FHIT: variants seen among roughly 807,000 people sequenced by gnomAD.
FHIT encodes fragile histidine triad diadenosine triphosphatase, also known as bis(5'-adenosyl)-triphosphatase.
Under a neutral mutation model 17.9 loss-of-function variants are expected in FHIT, and 19 were observed. The ratio of observed to expected loss-of-function variants is 1.06; its 90% confidence interval spans 0.74 to 1.56. The LOEUF (loss-of-function observed/expected upper bound fraction) is 1.56, where lower values mean the gene tolerates loss of function less well. Among genes scored for constraint, FHIT ranks in the 40% most tolerant of loss-of-function variants. The probability of loss-of-function intolerance (pLI) is 0.00; values close to 1 mark genes in which losing one functional copy is unlikely to be tolerated. For missense variants in FHIT, 248 were observed against 189.2 expected, an observed-to-expected ratio of 1.31 and a Z score of -1.82; for synonymous variants, 81 against 69.7, an observed-to-expected ratio of 1.16 and a Z score of -0.81.
At chr3:60,884,587 T>C (rs1705126470) in intron 3 of FHIT, among the ~76,000 whole-genome samples, 1 of 152,106 alleles carries the variant, frequency 6.6e-6, no homozygotes, top group African/African-American at 2.4e-5. Flanking sequence ...AAAATCCTAT[T>C]TGCAGCAACA....
At chr3:60,926,173 C>G (rs1227317750) in intron 3 of FHIT, among the ~76,000 whole-genome samples, 1 of 152,082 alleles carries the variant, frequency 6.6e-6, no homozygotes. Flanking sequence ...CAAGGATATC[C>G]AGGAATTGAA....
In FHIT at chr3:61,027,001, T is replaced by C. The variant is rs557720138; in HGVS notation, c.-111+15046A>G. ...ACACAGACATTATTTTAAATTATTA[T>C]AGAATTATACAAATTAAAATATAAA... On this transcript the variant is annotated intron_variant, in intron 3 of 9. Coordinates refer to ENST00000492590, the MANE Select transcript of FHIT (RefSeq NM_002012.4). Among the ~76,000 whole-genome samples the C allele has an allele frequency of 3.0e-4, 46 of 152,216 alleles. 1 individual carries two copies. In the South Asian group the frequency reaches 9.5e-3, roughly 32 times the overall value.
rs189940542 is a variant in FHIT, at chr3:60,294,540, A to G, written c.103+242320T>C. Among the ~76,000 whole-genome samples, 5 of 152,324 alleles carry G rather than the reference A, an allele frequency of 3.3e-5. No individual in the cohort carries two copies. In the East Asian group the frequency reaches 7.7e-4, roughly 24 times the overall value. On this transcript the variant is annotated intron_variant, in intron 5 of 9. Coordinates refer to ENST00000492590, the MANE Select transcript of FHIT (RefSeq NM_002012.4). Reference sequence around the variant, plus strand: ...ATTTACAAACAATGAGTACAGCCACATGCTGTGCCTAAAATAACAATTACA... The same window carrying G: ...ATTTACAAACAATGAGTACAGCCACGTGCTGTGCCTAAAATAACAATTACA...
intron 5 of FHIT, among the ~76,000 whole-genome samples, chr3:60,029,210 G>C (rs929682637): frequency 6.6e-6 from 1 of 152,134 alleles, no homozygotes; most frequent in African/African-American, 2.4e-5. Flanking sequence ...AAACGTTAAA[G>C]GTCATAGAAC....
intron 5 of FHIT, among the ~76,000 whole-genome samples, chr3:60,481,986 C>G (rs1313104164): frequency 1.3e-5 from 2 of 152,120 alleles, no homozygotes; most frequent in African/African-American, 4.8e-5. Flanking sequence ...GGAAAATTTA[C>G]CAAGCAAATA....
intron 4 of FHIT, among the ~76,000 whole-genome samples, chr3:60,644,695 G>A (rs2039812593): frequency 6.6e-6 from 1 of 152,130 alleles, no homozygotes; most frequent in Non-Finnish European, 1.5e-5. Flanking sequence ...CACAGGTAAT[G>A]GGCAGTTCTA....
intron 2 of FHIT, among the ~76,000 whole-genome samples, chr3:61,053,685 A>T (rs925005082): frequency 4.6e-5 from 7 of 151,626 alleles, no homozygotes; most frequent in Non-Finnish European, 1.5e-5. Context: ...TTGTGTTTAA[A>T]GTTTCAAGTT....
In FHIT at chr3:59,916,092, G is replaced by C. The variant is rs964179605; in HGVS notation, c.348+6254C>G. 6.6e-5 allele frequency among the ~76,000 whole-genome samples: 10 copies of C among 152,286 alleles called. No individual in the cohort carries two copies. The East Asian group carries it at 1.9e-3, about 29-fold the overall frequency. ...CCAAAGGAGATTAACATTTGAGTCA[G>C]TGGACTGGGAGAGGCAGACCCACCC... On this transcript the variant is annotated intron_variant, in intron 8 of 9. Transcript: ENST00000492590.
intron 1 of FHIT, among the ~76,000 whole-genome samples, chr3:61,214,470 C>G (rs1227415486): frequency 6.6e-6 from 1 of 152,214 alleles, no homozygotes; most frequent in Non-Finnish European, 1.5e-5. Flanking sequence ...GAAGTTGGAT[C>G]TCTGAATAGA....
chr3:61,208,065 G>A (rs181258306), intron 1 of FHIT, among the ~76,000 whole-genome samples: 12 of 152,130 alleles, frequency 7.9e-5, no homozygotes, highest in Middle Eastern at 3.4e-3. Context: ...CCTTCATTTC[G>A]TTATGTACCC....
chr3:60,088,920 T>C (rs1175267013), intron 5 of FHIT, among the ~76,000 whole-genome samples: 2 of 152,108 alleles, frequency 1.3e-5, no homozygotes, highest in African/African-American at 4.8e-5. Flanking sequence ...TACCCAGACT[T>C]GGTTAGGAAA....
chr3:61,122,851 C>T (rs964887115), intron 2 of FHIT, among the ~76,000 whole-genome samples: 2 of 152,124 alleles, frequency 1.3e-5, no homozygotes, highest in Admixed American at 6.6e-5. Flanking sequence ...AGTCAGGAAA[C>T]AACAAATGCT....
At chr3:60,919,570 T>C (rs942298198) in intron 3 of FHIT, among the ~76,000 whole-genome samples, 7 of 152,102 alleles carry the variant, frequency 4.6e-5, no homozygotes, top group African/African-American at 1.2e-4. Context: ...AGCCTACTTA[T>C]AGAGTTCACA....
rs530477732 is a variant in FHIT, at chr3:61,073,326, A to G, written c.-163-31227T>C. Among the ~76,000 whole-genome samples the G allele has an allele frequency of 6.6e-5, 10 of 152,284 alleles. No homozygotes were observed. The South Asian group carries it at 2.1e-3, about 32-fold the overall frequency. ...AGGCTTCTTGGCCTATAGGGGCCCT[A>G]TAGTAATAAAGTGTGCACTTTTCTA... On this transcript the variant is annotated intron_variant, in intron 2 of 9. Coordinates refer to ENST00000492590, the MANE Select transcript of FHIT (RefSeq NM_002012.4).
At chr3:60,009,229 G>A (rs966276051) in intron 7 of FHIT, among the ~76,000 whole-genome samples, 1 of 124,958 alleles carries the variant, frequency 8.0e-6, no homozygotes, top group African/African-American at 3.5e-5. Flanking sequence ...GTGTGTGTGT[G>A]TATGGTGGTT....
chr3:60,185,092 T>C (rs1702102340), intron 5 of FHIT, among the ~76,000 whole-genome samples: 1 of 152,210 alleles, frequency 6.6e-6, no homozygotes, highest in Non-Finnish European at 1.5e-5. Flanking sequence ...CCTTGGTTTC[T>C]TTTATTGGGA....
chr3:60,365,304 T>A (rs1045070014), intron 5 of FHIT, among the ~76,000 whole-genome samples: 3 of 152,132 alleles, frequency 2.0e-5, no homozygotes, highest in Non-Finnish European at 4.4e-5. Flanking sequence ...ATACTTTGAA[T>A]GTAAGGTTAC....
chr3:61,191,972 G>C (rs2038730159), intron 2 of FHIT, among the ~76,000 whole-genome samples: 1 of 152,154 alleles, frequency 6.6e-6, no homozygotes, highest in South Asian at 2.1e-4. Context: ...TGAGACTTAA[G>C]GGGAAGTCAG....
In FHIT at chr3:60,614,522, T is replaced by C. The variant is rs572562493; in HGVS notation, c.-17-77543A>G. On this transcript the variant is annotated intron_variant, in intron 4 of 9. Coordinates refer to ENST00000492590, the MANE Select transcript of FHIT (RefSeq NM_002012.4). ...AGAAGCCTAAGTCAGGAGAATTGCTTGAACCCGGGAGGCAGAGGTTGCAGT... is the reference window on the plus strand; with the variant it reads ...AGAAGCCTAAGTCAGGAGAATTGCTCGAACCCGGGAGGCAGAGGTTGCAGT... Among the ~76,000 whole-genome samples, 6 of 152,186 alleles carry C rather than the reference T, an allele frequency of 3.9e-5. No homozygotes were observed. In the South Asian group the frequency reaches 6.2e-4, roughly 16 times the overall value.
Sources: gnomAD v4.1 joint callset for allele counts (sites outside exome capture counted in the v4.1 genomes callset) on GRCh38, gnomAD v4.1.1 for gene constraint, MANE v1.5 for transcripts, NCBI Gene and HGNC (gene_info 2026-07-23, HGNC 2026-07-21) for gene names.